The following BRINP3 variants were observed in gnomAD, a reference collection of about 807,000 sequenced individuals.
BRINP3 encodes BMP/retinoic acid inducible neural specific 3.
Under a neutral mutation model 71.0 loss-of-function variants are expected in BRINP3, and 19 were observed. The ratio of observed to expected loss-of-function variants is 0.27; its 90% CI spans 0.19 to 0.39. The LOEUF is 0.39. Among genes scored for constraint, BRINP3 ranks in the 10% least tolerant of loss-of-function variants. The pLI is 1.00. For synonymous variants in BRINP3, 380 were observed against 337.7 expected (o/e 1.13, Z -1.37); for missense variants, 959 against 940.8 (o/e 1.02, Z -0.25).
chr1:190,135,812 G>A (rs755551316), intron 7 of BRINP3, among the ~76,000 whole-genome samples: 12 of 151,888 alleles, frequency 7.9e-5, no homozygotes, highest in African/African-American at 2.9e-4. Flanking sequence ...TACAACATAC[G>A]TAAAAAGGCA....
intron 2 of BRINP3, among the ~76,000 whole-genome samples, chr1:190,313,457 T>A (rs1665668421): frequency 6.6e-6 from 1 of 152,002 alleles, no homozygotes; most frequent in Non-Finnish European, 1.5e-5. Flanking sequence ...GAATTTAAAT[T>A]TGTATTTAGT....
rs886466266 is a variant in BRINP3, at chr1:190,346,507, G to A, written c.237-64757C>T. 2.6e-5 allele frequency among the ~76,000 whole-genome samples: 4 copies of A among 151,872 alleles called. No individual in the cohort carries two copies. The East Asian group carries it at 7.8e-4, about 29-fold the overall frequency. On this transcript the variant is annotated intron_variant, in intron 2 of 7. Transcript: ENST00000367462. ...TTTTTCGTTTTTAAAAAAACTCTTA[G>A]GTCTTGAGTGTTCCTGTGCTTATTC...
chr1:190,210,305 T>C (rs1655874706), intron 6 of BRINP3, among the ~76,000 whole-genome samples: 1 of 152,120 alleles, frequency 6.6e-6, no homozygotes, highest in Non-Finnish European at 1.5e-5. Context: ...TATTATTTAT[T>C]GATATCTCTT....
chr1:190,104,121 G>A (rs1324191414), intron 7 of BRINP3, among the ~76,000 whole-genome samples: 1 of 151,882 alleles, frequency 6.6e-6, no homozygotes, highest in Non-Finnish European at 1.5e-5. Flanking sequence ...AGTGAGGGAG[G>A]GGGCAGATGG....
At chr1:190,199,955 AT>A (rs1558057984) in intron 6 of BRINP3, among the ~76,000 whole-genome samples, 1 of 151,958 alleles carries the variant, frequency 6.6e-6, no homozygotes, top group Admixed American at 6.6e-5. Flanking sequence ...ATTTTCTACC[AT>A]TTTTCCCTCT....
chr1:190,229,755 A>G (rs1657777717), intron 5 of BRINP3, among the ~76,000 whole-genome samples: 1 of 151,896 alleles, frequency 6.6e-6, no homozygotes, highest in Non-Finnish European at 1.5e-5. Context: ...AAAATTAATT[A>G]AAATAGCATT....
chr1:190,405,469 A>C (rs1558256865), intron 2 of BRINP3, among the ~76,000 whole-genome samples: 1 of 99,666 alleles, frequency 1.0e-5, no homozygotes, highest in Non-Finnish European at 2.0e-5. Flanking sequence ...AAAAAAAAAA[A>C]AAAAAAAAAA....
intron 2 of BRINP3, among the ~76,000 whole-genome samples, chr1:190,444,239 CAAAAAAAAAAAAAAAAA>C (rs764014934): frequency 1.8e-5 from 1 of 56,308 alleles, no homozygotes; most frequent in East Asian, 7.2e-4. Context: ...AACTCCGTCT[CAAAAAAAAAAAAAAAAA>C]AAAAAAAAAA....
chr1:190,290,993 A>T (rs1372375419), intron 2 of BRINP3, among the ~76,000 whole-genome samples: 2 of 151,790 alleles, frequency 1.3e-5, no homozygotes, highest in African/African-American at 4.8e-5. Context: ...AGAGAGAGGA[A>T]AGAGAAGAAA....
At chr1:190,188,424 T>G (rs550359220) in intron 6 of BRINP3, among the ~76,000 whole-genome samples, 42 of 152,302 alleles carry the variant, frequency 2.8e-4, no homozygotes, top group African/African-American at 9.9e-4. Flanking sequence ...TGCAAGAGTC[T>G]TTTTGTCTTT....
At chr1:190,457,295 T>G (rs1265645136) in intron 1 of BRINP3, among the ~76,000 whole-genome samples, 1 of 151,912 alleles carries the variant, frequency 6.6e-6, no homozygotes, top group Non-Finnish European at 1.5e-5. Context: ...TATACAAAAA[T>G]TAGCCAGGCA....
At chr1:190,271,110 A>G (rs1436502058) in intron 3 of BRINP3, among the ~76,000 whole-genome samples, 1 of 151,630 alleles carries the variant, frequency 6.6e-6, no homozygotes, top group African/African-American at 2.4e-5. Flanking sequence ...GAATTTTCCT[A>G]TTACTGAAGG....
At chr1:190,466,715 T>C (rs1413280094) in intron 1 of BRINP3, among the ~76,000 whole-genome samples, 1 of 151,618 alleles carries the variant, frequency 6.6e-6, no homozygotes, top group Admixed American at 6.6e-5. Flanking sequence ...CACTGTAGTT[T>C]AGGCAACATG....
chr1:190,391,588 C>T (rs1338142957), intron 2 of BRINP3, among the ~76,000 whole-genome samples: 1 of 151,628 alleles, frequency 6.6e-6, no homozygotes. Flanking sequence ...AAGAGATACT[C>T]GTAAAAATCA....
At chr1:190,216,388 T>A (rs1384895512) in intron 6 of BRINP3, among the ~76,000 whole-genome samples, 2 of 151,836 alleles carry the variant, frequency 1.3e-5, no homozygotes, top group East Asian at 3.9e-4. Context: ...TTGTAATTAA[T>A]GTTATGTATA....
chr1:190,447,929 T>C (rs1324455084), intron 2 of BRINP3, among the ~76,000 whole-genome samples: 3 of 151,716 alleles, frequency 2.0e-5, no homozygotes, highest in Non-Finnish European at 4.4e-5. Flanking sequence ...AGGGAAAACC[T>C]ATAAACCTTT....
chr1:190,319,144 G>A lies in BRINP3; in HGVS notation c.237-37394C>T, dbSNP rs569855343. 7.2e-5 allele frequency among the ~76,000 whole-genome samples: 11 copies of A among 152,188 alleles called. No individual in the cohort carries two copies. In the East Asian group the frequency reaches 2.1e-3, roughly 29 times the overall value. ...GAACTTTAGGATATTCCTTACATGT[G>A]CCTGACTCAAATATCGCACCTTCAT... On this transcript the variant is annotated intron_variant, in intron 2 of 7. Coordinates refer to ENST00000367462, the MANE Select transcript of BRINP3 (RefSeq NM_199051.3).
At chr1:190,245,361 C>A (rs1659493914) in intron 4 of BRINP3, among the ~76,000 whole-genome samples, 1 of 150,268 alleles carries the variant, frequency 6.7e-6, no homozygotes. Context: ...ATTAAAAGAA[C>A]AAATTAATTA....
At chr1:190,152,719 G>A (rs765974312) in intron 7 of BRINP3, among the ~76,000 whole-genome samples, 5 of 151,784 alleles carry the variant, frequency 3.3e-5, no homozygotes, top group African/African-American at 4.8e-5. Context: ...TCTTTCATCC[G>A]TGAGAAAAAG....
Sources: gnomAD v4.1 joint callset for allele counts (sites outside exome capture counted in the v4.1 genomes callset) on GRCh38, gnomAD v4.1.1 for gene constraint, MANE v1.5 for transcripts, NCBI Gene and HGNC (gene_info 2026-07-23, HGNC 2026-07-21) for gene names.